The following CEP97 variants were observed in gnomAD, a reference collection of about 807,000 sequenced individuals.
CEP97 encodes centrosomal protein of 97 kDa.
Under a neutral mutation model 73.1 loss-of-function variants are expected in CEP97, and 43 were observed. The ratio of observed to expected loss-of-function variants is 0.59; its 90% CI spans 0.46 to 0.76. The LOEUF (loss-of-function observed/expected upper bound fraction) is 0.76. Ranked by LOEUF, CEP97 falls within the 30% of genes least tolerant of loss-of-function variation. The probability of loss-of-function intolerance (pLI) is 0.00; values close to 1 mark genes in which losing one functional copy is unlikely to be tolerated. For synonymous variants in CEP97, 337 were observed against 370.0 expected (o/e 0.91, Z 1.02); for missense variants, 939 against 1,014.0 (o/e 0.93, Z 1.00).
At chr3:101,725,000 T>A (rs1370070395) in intron 1 of CEP97, among the ~76,000 whole-genome samples, 1 of 152,184 alleles carries the variant, frequency 6.6e-6, no homozygotes, top group Admixed American at 6.5e-5. Context: ...GAGGAGGCGG[T>A]GGATTTCGGG....
chr3:101,731,127 A>G (rs1560008661), intron 4 of CEP97, among the ~76,000 whole-genome samples: 1 of 151,534 alleles, frequency 6.6e-6, no homozygotes, highest in Admixed American at 6.6e-5. Context: ...TACAGTTGCA[A>G]TTATGGATGT....
intron 6 of CEP97, among the ~76,000 whole-genome samples, chr3:101,742,191 C>T (rs905590961): frequency 6.6e-6 from 1 of 152,006 alleles, no homozygotes; most frequent in African/African-American, 2.4e-5. Context: ...TCCTCAAGGA[C>T]CTAGAACCAG....
At chr3:101,755,361 A>G (rs994207950) in intron 6 of CEP97, 69 bp from the exon 7 acceptor site, 1 of 1,334,636 alleles carries the variant, frequency 7.5e-7, no homozygotes, top group East Asian at 2.3e-5. Context: ...AAGGAAGATC[A>G]TTGTTGCCTG....
rs1429373703 is a variant in CEP97 at position 101,764,909 on chromosome 3, T to A, written c.1956T>A (p.Asp652Glu). ...AGCGTCTAAGTTCCTGGCATACTGATGTTCCTCCTATATCAAGTACTCTTG... is the reference window on the plus strand; with the variant it reads ...AGCGTCTAAGTTCCTGGCATACTGAAGTTCCTCCTATATCAAGTACTCTTG... ...VDQRLSSWHT[D>E]VPPISSTLVP... Residue 652 changes from aspartate to glutamate, a missense_variant, in exon 11 of 11, where the codon GAT becomes GAA. By Grantham distance (45) the Asp-to-Glu change is conservative. Coordinates refer to ENST00000341893, the MANE Select transcript of CEP97 (RefSeq NM_024548.4). 1 of 1,614,164 alleles carries A rather than the reference T, an allele frequency of 6.2e-7. No individual in the cohort carries two copies. The highest frequency in any genetic ancestry group is 8.5e-7 in the Non-Finnish European group (1 of 1,180,020).
chr3:101,755,896 A>G (rs929996867), intron 7 of CEP97, among the ~76,000 whole-genome samples: 3 of 152,122 alleles, frequency 2.0e-5, no homozygotes, highest in South Asian at 2.1e-4. Context: ...GCATGCCACC[A>G]TGGTTGGCTA....
intron 6 of CEP97, among the ~76,000 whole-genome samples, chr3:101,738,750 C>T (rs961443184): frequency 2.0e-5 from 3 of 152,104 alleles, no homozygotes; most frequent in Non-Finnish European, 4.4e-5. Flanking sequence ...CTAAAATTAA[C>T]ACCGTAACAT....
intron 6 of CEP97, among the ~76,000 whole-genome samples, chr3:101,754,319 A>C (rs1423604565): frequency 6.6e-6 from 1 of 152,162 alleles, no homozygotes. Context: ...TTAAAGAAAC[A>C]ACCACAATGC....
intron 6 of CEP97, among the ~76,000 whole-genome samples, chr3:101,754,042 CTTTT>C (rs35323976): frequency 9.3e-5 from 7 of 75,462 alleles, no homozygotes; most frequent in Non-Finnish European, 1.2e-4. Flanking sequence ...ATTTGGCCAT[CTTTT>C]TTTTTTTTTT....
rs1213694688 is a variant in CEP97 at position 101,728,967 on chromosome 3, GTTT to G, written c.447+32_447+34del. On this transcript the variant is annotated intron_variant, in intron 4 of 10. Transcript: ENST00000341893. ...GTATGTTTTCTTTGTCATTTGTGAA[GTTT>G]TATAGCAAAATACCAAGAGAAAGTA... is the stretch of plus-strand genomic sequence containing the variant. The G allele has an allele frequency of 7.3e-6, 9 of 1,227,556 alleles. No homozygotes were observed. The African/African-American group carries it at 9.0e-5, about 12-fold the overall frequency. The allele number at this position is 1,227,556 out of a possible 1,614,324, so 76.0% of individuals were successfully genotyped here.
chr3:101,747,333 C>T (rs1938652213), intron 6 of CEP97, among the ~76,000 whole-genome samples: 1 of 149,026 alleles, frequency 6.7e-6, no homozygotes, highest in Non-Finnish European at 1.5e-5. Flanking sequence ...GATCTCGGCT[C>T]ACTGCAAGCT....
chr3:101,757,887 C>G lies in CEP97; in HGVS notation c.1281C>G (p.Asn427Lys). The G allele has an allele frequency of 6.2e-7, 1 of 1,614,204 alleles. No homozygotes were observed. Among genetic ancestry groups the G allele is most frequent in the African/African-American group, 1.3e-5 (1 of 75,048 alleles). ...PTVELRLQGI[N>K]LGLEDDGVAD... Reference sequence around the variant, plus strand: ...TTGAGCTGAGGCTGCAGGGCATTAACTTGGGCCTAGAAGATGATGGTGTTG... The same window carrying G: ...TTGAGCTGAGGCTGCAGGGCATTAAGTTGGGCCTAGAAGATGATGGTGTTG... Residue 427 changes from asparagine to lysine, a missense_variant, in exon 9 of 11, where the codon AAC (asparagine) becomes AAG (lysine). Coordinates refer to ENST00000341893, the MANE Select transcript of CEP97 (RefSeq NM_024548.4).
intron 9 of CEP97, among the ~76,000 whole-genome samples, chr3:101,761,119 G>A (rs533880669): frequency 6.6e-6 from 1 of 151,942 alleles, no homozygotes; most frequent in South Asian, 2.1e-4. Flanking sequence ...CTCCTGCCTG[G>A]GCCTCCCAAA....
chr3:101,738,174 T>A (rs952875527), intron 6 of CEP97, among the ~76,000 whole-genome samples: 1 of 152,132 alleles, frequency 6.6e-6, no homozygotes, highest in Admixed American at 6.5e-5. Context: ...TTGCACCCAA[T>A]ACAGGAGCAC....
At chr3:101,731,326 C>T (rs1013136978) in intron 4 of CEP97, among the ~76,000 whole-genome samples, 4 of 151,202 alleles carry the variant, frequency 2.6e-5, no homozygotes, top group African/African-American at 7.3e-5. Flanking sequence ...TCAGCCTCCC[C>T]AGTAGCTGGA....
chr3:101,724,670 A>T lies in CEP97; in HGVS notation c.-7A>T. On this transcript the variant is annotated 5_prime_UTR_variant, in exon 1 of 11. Transcript: ENST00000341893. ...CGGTTGCCTGGTATTATTAGCAAGC[A>T]GCAAATATGGCGGTGGCGCGCGTGG... 1.2e-6 allele frequency: 2 copies of T among 1,614,226 alleles called. No individual in the cohort carries two copies. Among genetic ancestry groups the T allele is most frequent in the East Asian group, 2.2e-5 (1 of 44,884 alleles).
intron 6 of CEP97, among the ~76,000 whole-genome samples, chr3:101,742,041 C>CAAAAAAA (rs1387449559): frequency 9.7e-5 from 8 of 82,080 alleles, no homozygotes; most frequent in African/African-American, 3.5e-4. Context: ...GACTCCGTCT[C>CAAAAAAA]AAAAAAAAAA....
rs754811644 is a variant in CEP97 at position 101,758,045 on chromosome 3, G to C, written c.1439G>C (p.Gly480Ala). The C allele has an allele frequency of 1.2e-6, 2 of 1,614,188 alleles. No homozygotes were observed. Among genetic ancestry groups the C allele is most frequent in the Admixed American group, 3.3e-5 (2 of 60,032 alleles). The stretch of plus-strand genomic sequence containing the variant: ...AATACAGAGGTAAATGAGAAAGCTG[G>C]ACTATTACCTTGTCCTGAGCCAACA... ...EINTEVNEKA[G>A]LLPCPEPTII... Residue 480 changes from glycine (G) to alanine (A), a missense_variant, in exon 9 of 11, where the codon GGA becomes GCA. Physicochemically the swap from Gly to Ala is moderately conservative, Grantham distance 60. Transcript: ENST00000341893.
At chr3:101,759,885 CAA>C (rs984655019) in intron 9 of CEP97, among the ~76,000 whole-genome samples, 1 of 151,506 alleles carries the variant, frequency 6.6e-6, no homozygotes, top group Non-Finnish European at 1.5e-5. Flanking sequence ...TTGAGGAAAA[CAA>C]GAGAAAAGAG....
intron 6 of CEP97, among the ~76,000 whole-genome samples, chr3:101,747,372 G>A (rs527948391): frequency 2.4e-4 from 35 of 147,748 alleles, no homozygotes; most frequent in African/African-American, 8.0e-4. Context: ...CCATTCTCCT[G>A]CCTCAGCCTC....
Sources: gnomAD v4.1 joint callset for allele counts (sites outside exome capture counted in the v4.1 genomes callset) on GRCh38, gnomAD v4.1.1 for gene constraint, MANE v1.5 for transcripts, NCBI Gene and HGNC (gene_info 2026-07-23, HGNC 2026-07-21) for gene names.